Variants in ZBTB44 observed in about 807,000 individuals in gnomAD.
ZBTB44 encodes zinc finger and BTB domain containing 44.
Under a neutral mutation model 54.0 loss-of-function variants are expected in ZBTB44, and 15 were observed. That is an observed-to-expected ratio of 0.28 (90% CI 0.19 to 0.43). The LOEUF (loss-of-function observed/expected upper bound fraction) is 0.43, where lower values mean the gene tolerates loss of function less well. ZBTB44 is among the 20% of genes least tolerant of loss of function. The pLI, the probability that ZBTB44 is intolerant of heterozygous loss-of-function variation, is 1.00. For synonymous variants in ZBTB44, 230 were observed against 250.1 expected, an observed-to-expected ratio of 0.92 and a Z score of 0.76; for missense variants, 487 against 707.1, an observed-to-expected ratio of 0.69 and a Z score of 3.53.
intron 1 of ZBTB44, among the ~76,000 whole-genome samples, chr11:130,313,890 G>A (rs1942761691): frequency 6.6e-6 from 1 of 151,370 alleles, no homozygotes; most frequent in Admixed American, 6.6e-5. Context: ...GTGATCCTCA[G>A]GAAGGAAAGG....
intron 2 of ZBTB44, 74 bp from the exon 3 acceptor site, chr11:130,239,970 T>A: frequency 9.8e-7 from 1 of 1,022,466 alleles, no homozygotes; most frequent in Non-Finnish European, 1.5e-6. Flanking sequence ...AAAGCTATAT[T>A]ATATCTAAGC....
chr11:130,311,545 T>A (rs2134555262), intron 1 of ZBTB44, among the ~76,000 whole-genome samples: 1 of 152,328 alleles, frequency 6.6e-6, no homozygotes, highest in South Asian at 2.1e-4. Flanking sequence ...GATTTTCATT[T>A]AAGACAAGAG....
chr11:130,292,677 T>C (rs904545014), intron 1 of ZBTB44, among the ~76,000 whole-genome samples: 1 of 152,326 alleles, frequency 6.6e-6, no homozygotes, highest in Admixed American at 6.5e-5. Context: ...ACATATAAAT[T>C]AGTATTTTAA....
intron 4 of ZBTB44, among the ~76,000 whole-genome samples, chr11:130,237,326 G>A (rs951397914): frequency 6.6e-6 from 1 of 152,168 alleles, no homozygotes; most frequent in Non-Finnish European, 1.5e-5. Context: ...ACTAGGTAAC[G>A]TCTACTGAAG....
intron 5 of ZBTB44, 69 bp from the exon 6 acceptor site, chr11:130,234,342 A>T: frequency 7.0e-7 from 1 of 1,422,086 alleles, no homozygotes. Context: ...CAACAGTAAA[A>T]AGCTCTGATT....
intron 1 of ZBTB44, among the ~76,000 whole-genome samples, chr11:130,287,453 G>A (rs192475815): frequency 4.2e-4 from 64 of 152,190 alleles, no homozygotes; most frequent in African/African-American, 1.5e-3. Flanking sequence ...TTAGTTTTGA[G>A]GTATATTACT....
chr11:130,296,224 A>C, intron 1 of ZBTB44: 1 of 1,289,258 alleles, frequency 7.8e-7, no homozygotes, highest in Non-Finnish European at 1.1e-6. Flanking sequence ...GATGATGATA[A>C]AGCTAATACA....
chr11:130,286,585 T>A (rs1363160444), intron 1 of ZBTB44, among the ~76,000 whole-genome samples: 1 of 152,212 alleles, frequency 6.6e-6, no homozygotes. Flanking sequence ...TACTAAGCAT[T>A]AATTAAAAGA....
intron 1 of ZBTB44, among the ~76,000 whole-genome samples, chr11:130,300,454 T>C (rs553382685): frequency 1.1e-4 from 16 of 151,330 alleles, no homozygotes; most frequent in African/African-American, 3.4e-4. Context: ...AGAGAAGCCA[T>C]AGGAAAAATT....
chr11:130,261,995 T>C lies in ZBTB44; in HGVS notation c.-56-66A>G, dbSNP rs1329877087. On this transcript the variant is annotated intron_variant, in intron 1 of 7. Coordinates refer to ENST00000357899, the MANE Select transcript of ZBTB44 (RefSeq NM_001301098.2). This position sits in a 1 kb window ranked among gnomAD's most constrained non-coding sequence, Gnocchi z 4.8. ...TGGTTTAAAATGTGATTTAGATCAT[T>C]TTCATGTGGCCACTGTACTAAATTA... 1 of 1,182,392 alleles carries C rather than the reference T, an allele frequency of 8.5e-7. No individual in the cohort carries two copies. Among genetic ancestry groups the C allele is most frequent in the Admixed American group, 2.9e-5 (1 of 34,426 alleles). The allele number at this position is 1,182,392 out of a possible 1,614,324, so 73.2% of individuals were successfully genotyped here.
At chr11:130,304,355 G>A (rs941910049) in intron 1 of ZBTB44, among the ~76,000 whole-genome samples, 1 of 152,096 alleles carries the variant, frequency 6.6e-6, no homozygotes, top group African/African-American at 2.4e-5. Flanking sequence ...GAAACCACAG[G>A]CGGAAATTTG....
chr11:130,307,152 T>C (rs1253522527), intron 1 of ZBTB44, among the ~76,000 whole-genome samples: 1 of 151,318 alleles, frequency 6.6e-6, no homozygotes, highest in East Asian at 1.9e-4. Flanking sequence ...AGCCCGGGTG[T>C]GGTGGCTAAC....
chr11:130,240,280 T>C (rs1243990437), intron 2 of ZBTB44, among the ~76,000 whole-genome samples: 1 of 152,070 alleles, frequency 6.6e-6, no homozygotes, highest in East Asian at 1.9e-4. Context: ...GACCTTGTGA[T>C]CCACCTGCCT....
chr11:130,286,038 A>C (rs1004795592), intron 1 of ZBTB44, among the ~76,000 whole-genome samples: 4 of 152,262 alleles, frequency 2.6e-5, no homozygotes, highest in African/African-American at 9.6e-5. Context: ...CAAAGCAGTA[A>C]ATCAACTATC....
Position 130,228,997 on chromosome 11 carries a change from T to C in ZBTB44, c.*2767A>G, listed in dbSNP as rs1953781488. On this transcript the variant is annotated 3_prime_UTR_variant, in exon 8 of 8. Transcript: ENST00000357899. ...GTTTTTAATCCGCAGTCCTTACTCT[T>C]AAGTTCTCTGTAAACTATTATGCAC... 1 of 152,236 alleles carries C rather than the reference T, an allele frequency of 6.6e-6. No individual in the cohort carries two copies. The highest frequency in any genetic ancestry group is 2.4e-5 in the African/African-American group (1 of 41,468). 9.4% of individuals were successfully genotyped at this position (152,236 alleles called of 1,614,324 possible).
intron 1 of ZBTB44, among the ~76,000 whole-genome samples, chr11:130,274,392 CAATGTTAAACAGA>C (rs770740355): frequency 8.5e-5 from 13 of 152,152 alleles, no homozygotes; most frequent in Non-Finnish European, 1.8e-4. Context: ...GTCTCCAGTG[CAATGTTAAACAGA>C]AATAGCAAGA....
intron 5 of ZBTB44, among the ~76,000 whole-genome samples, chr11:130,235,264 G>A (rs1954059460): frequency 6.6e-6 from 1 of 152,106 alleles, no homozygotes; most frequent in Non-Finnish European, 1.5e-5. Flanking sequence ...CTTCATTCAG[G>A]TGTTAGAGAA....
chr11:130,303,496 G>A (rs952925921), intron 1 of ZBTB44, among the ~76,000 whole-genome samples: 4 of 152,196 alleles, frequency 2.6e-5, no homozygotes, highest in South Asian at 2.1e-4. Flanking sequence ...TTAGCTGGGC[G>A]TGGTGGCGCA....
chr11:130,244,372 G>A (rs1213047630), intron 2 of ZBTB44, among the ~76,000 whole-genome samples: 1 of 152,036 alleles, frequency 6.6e-6, no homozygotes, highest in Non-Finnish European at 1.5e-5. Context: ...ATATTTTAAT[G>A]AAAATGAAAA....
Sources: allele counts gnomAD v4.1 joint callset (sites outside exome capture counted in the v4.1 genomes callset), GRCh38; gene constraint gnomAD v4.1.1; non-coding constraint Gnocchi (gnomAD v3.1); transcripts MANE v1.5; gene names NCBI Gene and HGNC (gene_info 2026-07-23, HGNC 2026-07-21).